TTC28: variants seen among roughly 807,000 people sequenced by gnomAD.
TTC28 encodes the protein tetratricopeptide repeat domain 28.
A neutral mutation model predicts 198.0 loss-of-function variants in TTC28; 61 were observed. That is an observed-to-expected ratio of 0.31 (90% CI 0.25 to 0.38). The LOEUF (loss-of-function observed/expected upper bound fraction) is 0.38, where lower values mean the gene tolerates loss of function less well. Ranked by LOEUF, TTC28 falls within the 10% of genes least tolerant of loss-of-function variation. The probability of loss-of-function intolerance (pLI) is 1.00; values close to 1 mark genes in which losing one functional copy is unlikely to be tolerated. For missense variants in TTC28, 2,678 were observed against 3,164.0 expected (o/e 0.85, Z 3.69); for synonymous variants, 1,171 against 1,297.8 (o/e 0.90, Z 2.10).
intron 2 of TTC28, among the ~76,000 whole-genome samples, chr22:28,319,152 G>A (rs1004640974): frequency 3.3e-5 from 5 of 152,104 alleles, no homozygotes; most frequent in African/African-American, 1.2e-4. Context: ...GTAGAAAAAT[G>A]TGTGAAATAT....
chr22:27,995,573 G>C (rs1407275654), intron 17 of TTC28, among the ~76,000 whole-genome samples: 1 of 152,194 alleles, frequency 6.6e-6, no homozygotes, highest in African/African-American at 2.4e-5. Context: ...GGCTGATCAA[G>C]GGCATGATCA....
intron 2 of TTC28, among the ~76,000 whole-genome samples, chr22:28,511,054 T>A (rs989150387): frequency 6.6e-6 from 1 of 152,174 alleles, no homozygotes; most frequent in Non-Finnish European, 1.5e-5. Context: ...ATAGGAATAA[T>A]CAATACTCAT....
intron 2 of TTC28, among the ~76,000 whole-genome samples, chr22:28,507,968 G>A (rs1182506074): frequency 1.3e-5 from 2 of 152,142 alleles, no homozygotes; most frequent in Non-Finnish European, 2.9e-5. Flanking sequence ...GAAGTACATA[G>A]ACCAGTGACA....
chr22:28,236,949 T>C (rs1929291427), intron 5 of TTC28, among the ~76,000 whole-genome samples: 1 of 152,222 alleles, frequency 6.6e-6, no homozygotes, highest in Non-Finnish European at 1.5e-5. Flanking sequence ...TTTCCTTGCC[T>C]GAGAACCTAT....
chr22:28,205,529 G>A (rs1233072735), intron 5 of TTC28, among the ~76,000 whole-genome samples: 1 of 151,980 alleles, frequency 6.6e-6, no homozygotes, highest in Admixed American at 6.6e-5. Context: ...AGTTTCCAAA[G>A]GACTGAGTGA....
At chr22:28,188,438 C>T (rs1467935889) in intron 5 of TTC28, among the ~76,000 whole-genome samples, 2 of 152,036 alleles carry the variant, frequency 1.3e-5, no homozygotes, top group Non-Finnish European at 1.5e-5. Flanking sequence ...GCACTAAGGG[C>T]TTCTGAAGTT....
chr22:28,582,684 T>G lies in TTC28; in HGVS notation c.381+46868A>C, dbSNP rs150387608. Among the ~76,000 whole-genome samples the G allele has an allele frequency of 7.6e-3, 1,151 of 152,212 alleles. 6 individuals are homozygous for G. Among genetic ancestry groups the G allele is most frequent in the Middle Eastern group, 0.017 (5 of 294 alleles). On this transcript the variant is annotated intron_variant, in intron 2 of 22. Coordinates refer to ENST00000397906, the MANE Select transcript of TTC28 (RefSeq NM_001145418.2). The stretch of plus-strand genomic sequence containing the variant: ...TCTTTTTTGCAAATTAAAGACAGAC[T>G]GTAAAGAAGGGTTAGAGTTGGAAAG...
intron 1 of TTC28, among the ~76,000 whole-genome samples, chr22:28,641,577 A>G (rs1251539655): frequency 2.0e-5 from 3 of 152,310 alleles, no homozygotes; most frequent in Non-Finnish European, 2.9e-5. Context: ...ATGTTCTAGA[A>G]TTAGATAGTG....
chr22:28,071,498 C>T (rs186596331), intron 12 of TTC28, among the ~76,000 whole-genome samples: 8,662 of 145,814 alleles, frequency 0.059, 255 homozygotes, highest in South Asian at 0.072. Context: ...AACCAAACAC[C>T]GCATATTCTC....
At chr22:27,997,577 C>G (rs1255471569) in intron 16 of TTC28, 1 of 152,208 alleles carries the variant, frequency 6.6e-6, no homozygotes, top group Non-Finnish European at 1.5e-5. Context: ...TTTTGGTGTT[C>G]CTCTGTTTCC....
intron 5 of TTC28, among the ~76,000 whole-genome samples, chr22:28,187,812 C>T (rs1924341368): frequency 6.6e-6 from 1 of 152,130 alleles, no homozygotes; most frequent in Non-Finnish European, 1.5e-5. Flanking sequence ...TAATAAAATC[C>T]TCTGCATAAC....
At position 27,998,615 on chromosome 22, in the gene TTC28, C is replaced by T; in HGVS notation, c.5044G>A (p.Ala1682Thr). The T allele has an allele frequency of 6.4e-7, 1 of 1,550,834 alleles. No homozygotes were observed. The highest frequency in any genetic ancestry group is 8.7e-7 in the Non-Finnish European group (1 of 1,147,000). Reference sequence around the variant, plus strand: ...ATGGCCTCCCCCAGGGCGGCGCTGGCTTTCAGGCCGTTCAGCAGGGATGAG... The same window carrying T: ...ATGGCCTCCCCCAGGGCGGCGCTGGTTTTCAGGCCGTTCAGCAGGGATGAG... ...FYSSLLNGLK[A>T]SAALGEAMKV... is the part of the protein sequence containing the mutation. Residue 1682 changes from alanine (A) to threonine (T), a missense_variant, in exon 16 of 23, where the codon GCC (alanine) becomes ACC (threonine). This residue lies in a region of TTC28 where 314 missense variants were observed against 442.7 expected (regional missense o/e 0.71). Coordinates refer to ENST00000397906, the MANE Select transcript of TTC28 (RefSeq NM_001145418.2).
At chr22:28,512,683 C>T (rs1036663574) in intron 2 of TTC28, among the ~76,000 whole-genome samples, 6 of 152,096 alleles carry the variant, frequency 3.9e-5, no homozygotes, top group Admixed American at 3.9e-4. Context: ...GAACAGAAAA[C>T]CAAACACTGC....
At chr22:28,637,337 A>C (rs1004794660) in intron 1 of TTC28, among the ~76,000 whole-genome samples, 2 of 152,052 alleles carry the variant, frequency 1.3e-5, no homozygotes, top group Non-Finnish European at 2.9e-5. Context: ...ATCTATTTTG[A>C]GTTTATTTTT....
intron 13 of TTC28, chr22:28,029,230 C>T (rs557599158): frequency 2.2e-5 from 9 of 410,986 alleles, no homozygotes; most frequent in South Asian, 1.7e-4. Flanking sequence ...CCAGCTCCTA[C>T]ATCCCCTGCC....
chr22:28,334,024 C>A (rs1022310319), intron 2 of TTC28, among the ~76,000 whole-genome samples: 2 of 137,864 alleles, frequency 1.5e-5, no homozygotes, highest in Non-Finnish European at 3.1e-5. Context: ...ACAACAGACC[C>A]CAGTGTGTGA....
intron 5 of TTC28, among the ~76,000 whole-genome samples, chr22:28,258,009 A>G (rs1268838515): frequency 6.6e-6 from 1 of 151,914 alleles, no homozygotes; most frequent in Non-Finnish European, 1.5e-5. Flanking sequence ...CCCCTAAAGA[A>G]TAAAATATTT....
intron 2 of TTC28, among the ~76,000 whole-genome samples, chr22:28,387,791 G>A (rs890929177): frequency 1.3e-5 from 2 of 151,998 alleles, no homozygotes; most frequent in East Asian, 3.9e-4. Context: ...CCATTTTGTA[G>A]GTTGCCTGTT....
chr22:28,467,430 A>C (rs192466023), intron 2 of TTC28, among the ~76,000 whole-genome samples: 8 of 152,320 alleles, frequency 5.3e-5, no homozygotes, highest in Non-Finnish European at 7.4e-5. Context: ...TCTCAAAAAA[A>C]TACATATACT....
Sources: allele counts gnomAD v4.1 joint callset (sites outside exome capture counted in the v4.1 genomes callset), GRCh38; gene constraint gnomAD v4.1.1; regional missense constraint gnomAD v4.1.1; transcripts MANE v1.5; gene names NCBI Gene and HGNC (gene_info 2026-07-23, HGNC 2026-07-21).